Variants in VPS13A observed in about 807,000 individuals in gnomAD.
VPS13A encodes vacuolar protein sorting 13 homolog A.
A neutral mutation model predicts 390.9 loss-of-function variants in VPS13A; 264 were observed. The observed-to-expected ratio is 0.68, with a 90% CI of 0.61 to 0.75. The LOEUF (loss-of-function observed/expected upper bound fraction) is 0.75. VPS13A is among the 30% of genes least tolerant of loss of function. VPS13A has a pLI of 0.00. For missense variants in VPS13A, 3,409 were observed against 3,733.9 expected, an observed-to-expected ratio of 0.91 and a Z score of 2.27; for synonymous variants, 1,231 against 1,227.1, an observed-to-expected ratio of 1.00 and a Z score of -0.07.
intron 1 of VPS13A, among the ~76,000 whole-genome samples, chr9:77,182,773 C>T (rs1393137215): frequency 4.6e-5 from 7 of 152,164 alleles, no homozygotes; most frequent in Admixed American, 6.5e-5. Flanking sequence ...TAATGCCTGA[C>T]ATCTTTATGT....
chr9:77,290,816 A>G (rs1372200027), intron 31 of VPS13A, among the ~76,000 whole-genome samples: 3 of 152,098 alleles, frequency 2.0e-5, no homozygotes, highest in South Asian at 2.1e-4. Flanking sequence ...CTCTGCTATA[A>G]TAATATTCAC....
rs891099139 is a variant in VPS13A, at chr9:77,418,751, A to G, written c.*2745A>G. 1.1e-4 allele frequency: 16 copies of G among 152,138 alleles called. No individual in the cohort carries two copies. Among genetic ancestry groups the G allele is most frequent in the African/African-American group, 3.6e-4 (15 of 41,414 alleles). 9.4% of individuals were successfully genotyped at this position (152,138 alleles called of 1,614,324 possible). Reference sequence around the variant, plus strand: ...TCTTTCTTACACTTACTTACGTGATATTTTCTATCATAATTATCTCTCTCA... The same window carrying G: ...TCTTTCTTACACTTACTTACGTGATGTTTTCTATCATAATTATCTCTCTCA... On this transcript the variant is annotated 3_prime_UTR_variant, in exon 72 of 72. Transcript: ENST00000360280.
rs768480195 is a variant in VPS13A at position 77,353,580 on chromosome 9, G to T, written c.7591G>T (p.Val2531Phe). ...EQEIAVALQD[V>F]GISLVNNYTK... ...AGAAATTGCAGTGGCATTACAAGAT[G>T]TTGGAATTTCTCTTGTCAACAATTA... Residue 2531 changes from valine to phenylalanine, a missense_variant, in exon 54 of 72, where the codon GTT becomes TTT. Physicochemically the swap from Val to Phe is conservative, Grantham distance 50. Coordinates refer to ENST00000360280, the MANE Select transcript of VPS13A (RefSeq NM_033305.3). The T allele has an allele frequency of 3.1e-6, 5 of 1,613,448 alleles. No homozygotes were observed. Among genetic ancestry groups the T allele is most frequent in the Non-Finnish European group, 4.2e-6 (5 of 1,179,586 alleles).
rs5898534 is a variant in VPS13A, at chr9:77,357,952, C to CTTT, written c.7953+133_7953+135dup. 3,354 of 344,566 alleles carry CTTT rather than the reference C, an allele frequency of 9.7e-3. 49 individuals carry two copies. The highest frequency in any genetic ancestry group is 0.02 in the South Asian group (485 of 24,000). The allele number at this position is 344,566 out of a possible 1,614,324, so 21.3% of individuals were successfully genotyped here. On this transcript the variant is annotated intron_variant, in intron 56 of 71. Transcript: ENST00000360280. Reference sequence around the variant, plus strand: ...TATTCAGTTTCAATGTTGTGCTAGCCTTTTTTTTTTTTTTTTTTTTTGAGA... The same window carrying CTTT: ...TATTCAGTTTCAATGTTGTGCTAGCCTTTTTTTTTTTTTTTTTTTTTTTTGAGA...
intron 71 of VPS13A, 94 bp from the exon 72 acceptor site, chr9:77,415,862 C>T (rs1006189678): frequency 1.6e-5 from 24 of 1,469,976 alleles, no homozygotes; most frequent in Admixed American, 5.2e-5. Context: ...CCTAACTAAA[C>T]TATAAAGCTA....
At chr9:77,297,036 G>T (rs1828038851) in intron 33 of VPS13A, among the ~76,000 whole-genome samples, 1 of 151,676 alleles carries the variant, frequency 6.6e-6, no homozygotes, top group South Asian at 2.1e-4. Context: ...GATCAATCTG[G>T]TTAGCGATTT....
chr9:77,220,173 T>C, intron 11 of VPS13A, 92 bp downstream of exon 11: 1 of 1,517,662 alleles, frequency 6.6e-7, no homozygotes, highest in Non-Finnish European at 9.0e-7. Context: ...TTCATGATGT[T>C]ATATGGTAGC....
In VPS13A at chr9:77,239,267, C is replaced by T. The variant is rs912445951; in HGVS notation, c.1900+881C>T. 1.8e-4 allele frequency among the ~76,000 whole-genome samples: 27 copies of T among 152,086 alleles called. 1 individual carries two copies. Among genetic ancestry groups the T allele is most frequent in the Admixed American group, 2.0e-4 (3 of 15,266 alleles). Reference sequence around the variant, plus strand: ...CCGAGGCGGGTGGATCACCTGAGGTCAGAGTTTGAGACCAGCCTGGCCAAC... The same window carrying T: ...CCGAGGCGGGTGGATCACCTGAGGTTAGAGTTTGAGACCAGCCTGGCCAAC... On this transcript the variant is annotated intron_variant, in intron 19 of 71. Coordinates refer to ENST00000360280, the MANE Select transcript of VPS13A (RefSeq NM_033305.3).
chr9:77,394,559 C>G (rs1310484735), intron 68 of VPS13A, among the ~76,000 whole-genome samples: 12 of 152,226 alleles, frequency 7.9e-5, no homozygotes, highest in Non-Finnish European at 1.6e-4. Context: ...AATAAAGTCA[C>G]CAGCTGCACT....
At chr9:77,410,033 G>C (rs1413626478) in intron 71 of VPS13A, among the ~76,000 whole-genome samples, 1 of 151,876 alleles carries the variant, frequency 6.6e-6, no homozygotes, top group African/African-American at 2.4e-5. Context: ...AAATGTTAAG[G>C]GCAGCCAGAG....
At chr9:77,250,830 G>A (rs1825113755) in intron 21 of VPS13A, among the ~76,000 whole-genome samples, 2 of 152,160 alleles carry the variant, frequency 1.3e-5, no homozygotes. Flanking sequence ...AAATTCACTT[G>A]CCAAGAGCCA....
At position 77,360,751 on chromosome 9, in the gene VPS13A, T is replaced by G. The variant is rs1295258790; in HGVS notation, c.8211+110T>G. ...GTTGCATTTTAAAAATACAATTAAATAAATTTTATTACTCTCTTGTGGTAC... is the reference window on the plus strand; with the variant it reads ...GTTGCATTTTAAAAATACAATTAAAGAAATTTTATTACTCTCTTGTGGTAC... On this transcript the variant is annotated intron_variant, in intron 59 of 71. Transcript: ENST00000360280. The G allele has an allele frequency of 3.7e-6, 3 of 807,012 alleles. No homozygotes were observed. In the East Asian group the frequency reaches 8.3e-5, roughly 22 times the overall value. 50.0% of individuals were successfully genotyped at this position (807,012 alleles called of 1,614,324 possible).
chr9:77,383,141 T>G (rs907346447), intron 68 of VPS13A: 1 of 726,220 alleles, frequency 1.4e-6, no homozygotes, highest in African/African-American at 1.9e-5. Context: ...GATTTAAACT[T>G]CAGTATTTTA....
chr9:77,346,775 G>A (rs764799263), intron 52 of VPS13A, among the ~76,000 whole-genome samples: 3 of 152,270 alleles, frequency 2.0e-5, no homozygotes, highest in Non-Finnish European at 4.4e-5. Flanking sequence ...TTGAATAGGA[G>A]ATAGTCAAAG....
At chr9:77,414,019 CA>C (rs1408581277) in intron 71 of VPS13A, among the ~76,000 whole-genome samples, 1 of 152,180 alleles carries the variant, frequency 6.6e-6, no homozygotes. Context: ...CAGAGAAATG[CA>C]AATCCAAACC....
intron 7 of VPS13A, chr9:77,211,492 T>C (rs191816800): frequency 7.2e-5 from 11 of 152,272 alleles, no homozygotes; most frequent in Non-Finnish European, 1.0e-4. Flanking sequence ...GTTGTATCTA[T>C]TGGGTTTTGT....
In VPS13A at chr9:77,317,658, C is replaced by T; in HGVS notation, c.4916C>T (p.Pro1639Leu). 1 of 1,601,428 alleles carries T rather than the reference C, an allele frequency of 6.2e-7. No homozygotes were observed. The highest frequency in any genetic ancestry group is 2.3e-5 in the East Asian group (1 of 44,304). ...FYQTTQKGTDPQVIDMSVKSL... is the reference protein window; with the variant it reads ...FYQTTQKGTDLQVIDMSVKSL... Reference sequence around the variant, plus strand: ...CAAACTACTCAGAAAGGTACAGATCCACAAGTGATCGATATGTCAGTAAAA... The same window carrying T: ...CAAACTACTCAGAAAGGTACAGATCTACAAGTGATCGATATGTCAGTAAAA... The change falls in exon 40 of 72, where the codon CCA becomes CTA. Residue 1639 changes from proline to leucine, a missense_variant. Pro to Leu is a moderately conservative substitution (Grantham distance 98). Transcript: ENST00000360280.
At chr9:77,252,870 A>G (rs746370093) in intron 22 of VPS13A, among the ~76,000 whole-genome samples, 3 of 152,106 alleles carry the variant, frequency 2.0e-5, no homozygotes, top group Non-Finnish European at 2.9e-5. Flanking sequence ...TGTATATACT[A>G]TGTTTTTATT....
At chr9:77,183,728 A>C (rs1824161959) in intron 1 of VPS13A, among the ~76,000 whole-genome samples, 2 of 152,266 alleles carry the variant, frequency 1.3e-5, no homozygotes. Context: ...TTGTGCTTCT[A>C]CATGTTTACC....
Sources: gnomAD v4.1 joint callset for allele counts (sites outside exome capture counted in the v4.1 genomes callset) on GRCh38, gnomAD v4.1.1 for gene constraint, MANE v1.5 for transcripts, NCBI Gene and HGNC (gene_info 2026-07-23, HGNC 2026-07-21) for gene names.